The following BRINP3 variants were observed in gnomAD, a reference collection of about 807,000 sequenced individuals.
BRINP3 encodes BMP/retinoic acid-inducible neural-specific protein 3.
A neutral mutation model predicts 71.0 loss-of-function variants in BRINP3; 19 were observed. The ratio of observed to expected loss-of-function variants is 0.27; its 90% CI spans 0.19 to 0.39. The LOEUF (loss-of-function observed/expected upper bound fraction) is 0.39, where lower values mean the gene tolerates loss of function less well. BRINP3 is among the 10% of genes least tolerant of loss of function. The pLI is 1.00. For synonymous variants in BRINP3, 380 were observed against 337.7 expected (o/e 1.13, Z -1.37); for missense variants, 959 against 940.8 (o/e 1.02, Z -0.25).
chr1:190,407,328 G>C (rs956375171), intron 2 of BRINP3, among the ~76,000 whole-genome samples: 1 of 152,094 alleles, frequency 6.6e-6, no homozygotes, highest in Non-Finnish European at 1.5e-5. Context: ...ATAAGTCTGG[G>C]GGGAGCAGGG....
At chr1:190,214,068 C>T (rs934200926) in intron 6 of BRINP3, among the ~76,000 whole-genome samples, 24 of 151,746 alleles carry the variant, frequency 1.6e-4, no homozygotes, top group East Asian at 5.8e-4. Context: ...CTTGAGTCCC[C>T]GAAAAACAGA....
At chr1:190,156,914 C>G (rs1483521454) in intron 7 of BRINP3, among the ~76,000 whole-genome samples, 1 of 151,990 alleles carries the variant, frequency 6.6e-6, no homozygotes, top group African/African-American at 2.4e-5. Context: ...CATTACAAAA[C>G]TTGAACTTGT....
At chr1:190,273,850 A>G (rs1662325214) in intron 3 of BRINP3, among the ~76,000 whole-genome samples, 1 of 151,658 alleles carries the variant, frequency 6.6e-6, no homozygotes, top group African/African-American at 2.4e-5. Context: ...CTACAGGTAA[A>G]TCAACAATGA....
intron 2 of BRINP3, among the ~76,000 whole-genome samples, chr1:190,420,862 T>C (rs913618093): frequency 6.6e-6 from 1 of 151,860 alleles, no homozygotes; most frequent in Admixed American, 6.6e-5. Flanking sequence ...AGACAATGTT[T>C]CCAGGGAGAT....
intron 2 of BRINP3, among the ~76,000 whole-genome samples, chr1:190,341,727 T>A (rs2103113311): frequency 6.6e-6 from 1 of 151,650 alleles, no homozygotes; most frequent in South Asian, 2.1e-4. Flanking sequence ...TGAAAAAAAA[T>A]TACATGCACA....
At chr1:190,348,662 T>A (rs1668177474) in intron 2 of BRINP3, among the ~76,000 whole-genome samples, 1 of 152,160 alleles carries the variant, frequency 6.6e-6, no homozygotes. Flanking sequence ...CACTTTTACA[T>A]CTTCCAAAGA....
At chr1:190,332,203 T>G (rs968902560) in intron 2 of BRINP3, among the ~76,000 whole-genome samples, 1 of 152,050 alleles carries the variant, frequency 6.6e-6, no homozygotes, top group Non-Finnish European at 1.5e-5. Context: ...CTGTAAACAA[T>G]TTGCATATAT....
intron 2 of BRINP3, among the ~76,000 whole-genome samples, chr1:190,371,208 TGTTGCCTG>T (rs1669841504): frequency 6.6e-6 from 1 of 152,228 alleles, no homozygotes; most frequent in Admixed American, 6.5e-5. Context: ...TTTTTGTATT[TGTTGCCTG>T]TGTTTTGGCA....
chr1:190,370,620 G>A (rs1426491355), intron 2 of BRINP3, among the ~76,000 whole-genome samples: 2 of 152,208 alleles, frequency 1.3e-5, no homozygotes, highest in South Asian at 2.1e-4. Context: ...GCGAAAAGTA[G>A]GTTAGAGGAT....
intron 7 of BRINP3, among the ~76,000 whole-genome samples, chr1:190,099,755 C>T (rs1434934587): frequency 6.6e-6 from 1 of 152,174 alleles, no homozygotes; most frequent in Non-Finnish European, 1.5e-5. Context: ...CATGTTTATT[C>T]TTACAGGCTG....
At chr1:190,439,309 TATTA>T (rs1273290838) in intron 2 of BRINP3, among the ~76,000 whole-genome samples, 4 of 151,912 alleles carry the variant, frequency 2.6e-5, no homozygotes, top group East Asian at 3.8e-4. Flanking sequence ...AAACTGGGTA[TATTA>T]ATTAATTAAT....
At chr1:190,447,738 C>T (rs1286708952) in intron 2 of BRINP3, among the ~76,000 whole-genome samples, 1 of 151,038 alleles carries the variant, frequency 6.6e-6, no homozygotes, top group Non-Finnish European at 1.5e-5. Context: ...AGTGTTAAGG[C>T]TCAAAGGAGA....
chr1:190,178,934 A>C (rs1027995729), intron 6 of BRINP3, among the ~76,000 whole-genome samples: 1 of 152,168 alleles, frequency 6.6e-6, no homozygotes, highest in African/African-American at 2.4e-5. Context: ...AAATTTGATT[A>C]TCAGCTTGGT....
chr1:190,305,948 A>G (rs968562507), intron 2 of BRINP3, among the ~76,000 whole-genome samples: 7 of 151,842 alleles, frequency 4.6e-5, no homozygotes, highest in Non-Finnish European at 7.4e-5. Flanking sequence ...ACGAAGAAAA[A>G]TATTTTATAC....
chr1:190,377,855 C>A (rs1056889114), intron 2 of BRINP3, among the ~76,000 whole-genome samples: 1 of 151,596 alleles, frequency 6.6e-6, no homozygotes, highest in African/African-American at 2.4e-5. Context: ...AAAATATTGC[C>A]GAAAGAAATT....
At chr1:190,144,331 T>C (rs2102400325) in intron 7 of BRINP3, among the ~76,000 whole-genome samples, 1 of 152,224 alleles carries the variant, frequency 6.6e-6, no homozygotes, top group Admixed American at 6.5e-5. Flanking sequence ...AAGTGGAAGT[T>C]CAGGGAAAGT....
intron 2 of BRINP3, among the ~76,000 whole-genome samples, chr1:190,299,839 G>C (rs1362720829): frequency 6.6e-6 from 1 of 151,906 alleles, no homozygotes; most frequent in Admixed American, 6.6e-5. Context: ...TGAAATTCTG[G>C]GTTGAAAATT....
intron 6 of BRINP3, among the ~76,000 whole-genome samples, chr1:190,219,235 T>A (rs1212435002): frequency 6.6e-6 from 1 of 152,010 alleles, no homozygotes; most frequent in Admixed American, 6.6e-5. Flanking sequence ...CAGGAAACCA[T>A]GACCTCCTCA....
chr1:190,453,179 C>A (rs1188627174), intron 2 of BRINP3, among the ~76,000 whole-genome samples: 1 of 106,140 alleles, frequency 9.4e-6, no homozygotes, highest in African/African-American at 3.4e-5. Flanking sequence ...ATTTCTGCTA[C>A]TTTTCAGAAA....
Sources: allele counts gnomAD v4.1 joint callset (sites outside exome capture counted in the v4.1 genomes callset), GRCh38; gene constraint gnomAD v4.1.1; transcripts MANE v1.5; gene names NCBI Gene and HGNC (gene_info 2026-07-23, HGNC 2026-07-21).